Variants in OTUD7A observed in about 807,000 individuals in gnomAD.
OTUD7A encodes OTU domain-containing protein 7A.
Under a neutral mutation model 65.7 loss-of-function variants are expected in OTUD7A, and 12 were observed. The observed-to-expected ratio is 0.18, with a 90% CI of 0.12 to 0.30. The LOEUF is 0.30. Ranked by LOEUF, OTUD7A falls within the 10% of genes least tolerant of loss-of-function variation. OTUD7A has a pLI of 1.00. For synonymous variants in OTUD7A, 641 were observed against 586.3 expected, an observed-to-expected ratio of 1.09 and a Z score of -1.35; for missense variants, 1,148 against 1,304.8, an observed-to-expected ratio of 0.88 and a Z score of 1.85.
intron 1 of OTUD7A, 76 bp from the exon 2 acceptor site, chr15:31,657,153 C>T (rs1223310867): frequency 4.6e-5 from 7 of 152,680 alleles, no homozygotes; most frequent in African/African-American, 1.7e-4. Context: ...GGCTTTTTGT[C>T]ACAGGAGGCT....
At chr15:31,587,506 T>G (rs1012421459) in intron 3 of OTUD7A, among the ~76,000 whole-genome samples, 2 of 151,838 alleles carry the variant, frequency 1.3e-5, no homozygotes, top group South Asian at 2.1e-4. Flanking sequence ...CCAGGTGTGG[T>G]GGCAGGCGTC....
intron 3 of OTUD7A, among the ~76,000 whole-genome samples, chr15:31,609,379 G>C (rs923138746): frequency 2.0e-5 from 3 of 152,162 alleles, no homozygotes; most frequent in African/African-American, 7.2e-5. Flanking sequence ...CCGTTAGCAG[G>C]CACACGGTGG....
At chr15:31,812,162 G>A (rs1896435779) in intron 1 of OTUD7A, among the ~76,000 whole-genome samples, 2 of 152,142 alleles carry the variant, frequency 1.3e-5, no homozygotes, top group East Asian at 1.9e-4. Flanking sequence ...CTCAACCCGT[G>A]CATCACATGG....
chr15:31,670,940 A>G (rs1438422410), intron 1 of OTUD7A, among the ~76,000 whole-genome samples: 3 of 151,774 alleles, frequency 2.0e-5, no homozygotes, highest in Non-Finnish European at 4.4e-5. Flanking sequence ...GCTTGCAGTG[A>G]GCCGAGATTG....
At chr15:31,616,732 C>T (rs964581430) in intron 3 of OTUD7A, among the ~76,000 whole-genome samples, 3 of 152,058 alleles carry the variant, frequency 2.0e-5, no homozygotes, top group Admixed American at 6.6e-5. Context: ...TCAGTAGAGA[C>T]GGGGTTTCAC....
At chr15:31,849,615 C>A in intron 1 of OTUD7A, among the ~76,000 whole-genome samples, 1 of 152,190 alleles carries the variant, frequency 6.6e-6, no homozygotes, top group African/African-American at 2.4e-5. Flanking sequence ...AGTGAACAGG[C>A]AACCTACAGA....
intron 1 of OTUD7A, among the ~76,000 whole-genome samples, chr15:31,691,162 T>C (rs906896772): frequency 6.6e-5 from 10 of 152,198 alleles, no homozygotes; most frequent in Non-Finnish European, 1.2e-4. Context: ...ATGTCTATAT[T>C]AACCAAAGTG....
chr15:31,812,906 G>T (rs1896457394), intron 1 of OTUD7A, among the ~76,000 whole-genome samples: 1 of 152,142 alleles, frequency 6.6e-6, no homozygotes, highest in Non-Finnish European at 1.5e-5. Flanking sequence ...AAATATAAGG[G>T]TTTAGCTGTC....
chr15:31,586,060 C>T (rs1889525951), intron 3 of OTUD7A, among the ~76,000 whole-genome samples: 1 of 152,186 alleles, frequency 6.6e-6, no homozygotes, highest in African/African-American at 2.4e-5. Flanking sequence ...GAAGGTGAGG[C>T]TACGCTGGTT....
intron 3 of OTUD7A, among the ~76,000 whole-genome samples, chr15:31,620,561 G>A (rs1890747587): frequency 1.3e-5 from 2 of 150,488 alleles, no homozygotes; most frequent in South Asian, 4.2e-4. Flanking sequence ...GTGTAGAGGT[G>A]TTTATAGTAT....
At position 31,611,600 on chromosome 15, in the gene OTUD7A, A is replaced by G. The variant is rs546221292; in HGVS notation, c.152-41403T>C. Among the ~76,000 whole-genome samples, 74 of 152,308 alleles carry G rather than the reference A, an allele frequency of 4.9e-4. 1 individual carries two copies. The South Asian group carries it at 0.015, about 31-fold the overall frequency. ...CTGGAAAAATACAACCCTCAGCTTA[A>G]ATCAGGAAGAATTAGATACCCTGAA... On this transcript the variant is annotated intron_variant, in intron 3 of 12. Coordinates refer to ENST00000307050, the MANE Select transcript of OTUD7A (RefSeq NM_001382637.1).
At chr15:31,604,982 G>A (rs922598953) in intron 3 of OTUD7A, among the ~76,000 whole-genome samples, 2 of 152,214 alleles carry the variant, frequency 1.3e-5, no homozygotes, top group African/African-American at 2.4e-5. Flanking sequence ...AGAGCAGCCC[G>A]GGAGGCACAG....
At chr15:31,694,406 C>T (rs1893027454) in intron 1 of OTUD7A, among the ~76,000 whole-genome samples, 1 of 152,174 alleles carries the variant, frequency 6.6e-6, no homozygotes, top group South Asian at 2.1e-4. Context: ...TCCCCTCAAG[C>T]CCCCTTCCCC....
intron 1 of OTUD7A, among the ~76,000 whole-genome samples, chr15:31,826,709 C>G (rs1896806425): frequency 6.6e-6 from 1 of 152,196 alleles, no homozygotes. Context: ...TAAGCTGTTT[C>G]CCTTTTAAAA....
At chr15:31,668,137 T>G (rs1205124658) in intron 1 of OTUD7A, among the ~76,000 whole-genome samples, 1 of 152,250 alleles carries the variant, frequency 6.6e-6, no homozygotes, top group Non-Finnish European at 1.5e-5. Flanking sequence ...ATGATCTTTT[T>G]GAGATGAATT....
chr15:31,859,777 A>T (rs887388117), intron 1 of OTUD7A, among the ~76,000 whole-genome samples: 4 of 152,170 alleles, frequency 2.6e-5, no homozygotes, highest in Non-Finnish European at 5.9e-5. Flanking sequence ...AAGTGCCCAG[A>T]CATTAAGATT....
At chr15:31,512,118 T>C (rs914645020) in intron 8 of OTUD7A, among the ~76,000 whole-genome samples, 2 of 152,230 alleles carry the variant, frequency 1.3e-5, no homozygotes, top group Admixed American at 1.3e-4. Flanking sequence ...CGCAGCTTTT[T>C]CCTCAGTCTT....
intron 1 of OTUD7A, among the ~76,000 whole-genome samples, chr15:31,724,858 T>C (rs1282883740): frequency 6.6e-6 from 1 of 151,712 alleles, no homozygotes; most frequent in Non-Finnish European, 1.5e-5. Flanking sequence ...GTCCTCCTGT[T>C]GAAGCCAGCT....
chr15:31,783,762 T>C (rs1895602189), intron 1 of OTUD7A, among the ~76,000 whole-genome samples: 1 of 152,214 alleles, frequency 6.6e-6, no homozygotes, highest in African/African-American at 2.4e-5. Flanking sequence ...TCACCTTCTA[T>C]TCATCAAAGC....
Sources: gnomAD v4.1 joint callset for allele counts (sites outside exome capture counted in the v4.1 genomes callset) on GRCh38, gnomAD v4.1.1 for gene constraint, MANE v1.5 for transcripts, NCBI Gene and HGNC (gene_info 2026-07-23, HGNC 2026-07-21) for gene names.